HECTD4: variants seen among roughly 807,000 people sequenced by gnomAD.
HECTD4 encodes HECT domain E3 ubiquitin protein ligase 4.
A neutral mutation model predicts 471.5 loss-of-function variants in HECTD4; 114 were observed. That is an observed-to-expected ratio of 0.24 (90% CI 0.21 to 0.28). The LOEUF is 0.28. Ranked by LOEUF, HECTD4 falls within the 10% of genes least tolerant of loss-of-function variation. HECTD4 has a pLI of 1.00. For synonymous variants in HECTD4, 2,012 were observed against 2,256.0 expected, an observed-to-expected ratio of 0.89 and a Z score of 3.07; for missense variants, 3,866 against 5,651.5, an observed-to-expected ratio of 0.68 and a Z score of 10.13.
rs769550554 is a variant in HECTD4 at position 112,217,091 on chromosome 12, A to C, written c.7179T>G (p.Ala2393=). The part of the protein sequence containing the change: ...TSVTFLADPS[A]GGGLPRGTFI... ...AAGTGCCCCGGGGCAGGCCTCCCCC[A>C]GCGCTGGGGTCAGCCAGGAAGGTGA... The change falls in exon 46 of 76, where the codon GCT becomes GCG. Residue 2393 remains alanine (A), a synonymous_variant. Transcript: ENST00000682272. 6.3e-7 allele frequency: 1 copy of C among 1,588,832 alleles called. No homozygotes were observed. Among genetic ancestry groups the C allele is most frequent in the South Asian group, 1.1e-5 (1 of 87,190 alleles).
At chr12:112,229,957 A>G in intron 40 of HECTD4, 77 bp from the exon 41 acceptor site, 1 of 1,353,356 alleles carries the variant, frequency 7.4e-7, no homozygotes, top group Non-Finnish European at 1.0e-6. Context: ...AAGTGTCTAC[A>G]ACAGTGCCTG....
intron 20 of HECTD4, among the ~76,000 whole-genome samples, chr12:112,257,917 T>C (rs2034055473): frequency 6.6e-6 from 1 of 152,068 alleles, no homozygotes; most frequent in Admixed American, 6.5e-5. Context: ...CGGCAGGGTG[T>C]GGTGGCTCAC....
At chr12:112,283,955 C>CTTTTTTTTTT (rs746498265) in intron 7 of HECTD4, among the ~76,000 whole-genome samples, 7 of 135,552 alleles carry the variant, frequency 5.2e-5, no homozygotes, top group Admixed American at 7.4e-5. Flanking sequence ...CTTCTTTCTT[C>CTTTTTTTTTT]TTTTTTTTTT....
At chr12:112,269,623 T>C (rs554223923) in intron 13 of HECTD4, 81 bp downstream of exon 13, 6 of 1,465,442 alleles carry the variant, frequency 4.1e-6, no homozygotes, top group South Asian at 3.7e-5. Flanking sequence ...GCATTTATAC[T>C]ACCAGCTTTC....
intron 37 of HECTD4, 100 bp from the exon 38 acceptor site, chr12:112,233,185 A>C: frequency 1.4e-6 from 1 of 728,388 alleles, no homozygotes. Flanking sequence ...GCCCTATTAT[A>C]CACTAACATT....
intron 44 of HECTD4, among the ~76,000 whole-genome samples, chr12:112,224,476 C>T (rs2033178523): frequency 6.6e-6 from 1 of 152,024 alleles, no homozygotes; most frequent in Non-Finnish European, 1.5e-5. Flanking sequence ...CCGTGTTAGC[C>T]AGGATGGTCT....
intron 1 of HECTD4, among the ~76,000 whole-genome samples, chr12:112,340,716 T>A (rs560843299): frequency 1.3e-5 from 2 of 152,292 alleles, no homozygotes; most frequent in African/African-American, 4.8e-5. Flanking sequence ...CATATGACAT[T>A]AAGTACAACA....
intron 49 of HECTD4, among the ~76,000 whole-genome samples, chr12:112,211,046 T>G (rs926455511): frequency 6.6e-6 from 1 of 152,218 alleles, no homozygotes; most frequent in African/African-American, 2.4e-5. Flanking sequence ...CCTTATAGGT[T>G]ATTTTTTTAA....
At position 112,298,437 on chromosome 12, in the gene HECTD4, T is replaced by C. The variant is rs541978024; in HGVS notation, c.1335+7627A>G. ...GGAAATTAATCTACTTCATTCTAGG[T>C]AGATCTGCCTCGTACTTTTTTAATT... On this transcript the variant is annotated intron_variant, in intron 7 of 75. Coordinates refer to ENST00000682272, the MANE Select transcript of HECTD4 (RefSeq NM_001388303.1). Among the ~76,000 whole-genome samples, 3 of 152,108 alleles carry C rather than the reference T, an allele frequency of 2.0e-5. No homozygotes were observed. In the East Asian group the frequency reaches 5.8e-4, roughly 29 times the overall value.
intron 1 of HECTD4, among the ~76,000 whole-genome samples, chr12:112,341,491 G>C (rs1008792988): frequency 6.6e-6 from 1 of 152,100 alleles, no homozygotes; most frequent in Non-Finnish European, 1.5e-5. Flanking sequence ...CATAAGAAAG[G>C]TTACCTATTT....
chr12:112,165,040 G>C (rs1395553083), intron 72 of HECTD4, among the ~76,000 whole-genome samples: 2 of 144,520 alleles, frequency 1.4e-5, no homozygotes, highest in Non-Finnish European at 3.1e-5. Context: ...TCTGCCTCAG[G>C]CTCCCGAGTA....
chr12:112,315,741 C>T (rs1025245488), intron 2 of HECTD4, among the ~76,000 whole-genome samples: 4 of 151,930 alleles, frequency 2.6e-5, no homozygotes, highest in African/African-American at 9.7e-5. Context: ...TTAAAAGAGA[C>T]AGGGTCTGGC....
At chr12:112,280,656 A>ACC (rs1360306165) in intron 8 of HECTD4, among the ~76,000 whole-genome samples, 1 of 152,174 alleles carries the variant, frequency 6.6e-6, no homozygotes, top group Non-Finnish European at 1.5e-5. Context: ...TCCACTGGTA[A>ACC]GAAACCTAAA....
At position 112,172,681 on chromosome 12, in the gene HECTD4, G is replaced by C. The variant is rs779603369; in HGVS notation, c.11775C>G (p.Ala3925=). The C allele has an allele frequency of 1.2e-6, 2 of 1,613,920 alleles. No homozygotes were observed. Among genetic ancestry groups the C allele is most frequent in the Non-Finnish European group, 1.7e-6 (2 of 1,179,858 alleles). The change falls in exon 67 of 76, where the codon GCC becomes GCG. Residue 3925 remains alanine, a synonymous_variant. Transcript: ENST00000682272. ...CCCAGGGCCACATACTCAGGAGACA[G>C]GCCACTCTGGGGTCAGCAGCATCCG... ...DPADAADPRV[A]CLLNVPIESL... is the part of the protein sequence containing the mutation.
chr12:112,372,253 C>T lies in HECTD4; in HGVS notation c.177+9699G>A, dbSNP rs2036692009. The stretch of plus-strand genomic sequence containing the variant: ...TCAGCCTCCCAAGTAGCCAACCACG[C>T]CCCGCTAATTTTTTTTATTTTTTTA... On this transcript the variant is annotated intron_variant, in intron 1 of 75. Coordinates refer to ENST00000682272, the MANE Select transcript of HECTD4 (RefSeq NM_001388303.1). 2.0e-5 allele frequency among the ~76,000 whole-genome samples: 3 copies of T among 151,486 alleles called. No individual in the cohort carries two copies. In the South Asian group the frequency reaches 6.3e-4, roughly 32 times the overall value.
intron 18 of HECTD4, among the ~76,000 whole-genome samples, chr12:112,260,606 T>C (rs1250707701): frequency 2.0e-5 from 3 of 151,672 alleles, no homozygotes; most frequent in Middle Eastern, 3.4e-3. Context: ...AGACAGAGTC[T>C]CGCTCTGTCA....
At chr12:112,180,353 G>C (rs906199604) in intron 62 of HECTD4, among the ~76,000 whole-genome samples, 2 of 152,184 alleles carry the variant, frequency 1.3e-5, no homozygotes, top group African/African-American at 4.8e-5. Context: ...TTCAAGACCA[G>C]CCTGGGCAAT....
chr12:112,308,651 G>T, intron 6 of HECTD4, 102 bp downstream of exon 6: 1 of 1,106,224 alleles, frequency 9.0e-7, no homozygotes, highest in Non-Finnish European at 1.2e-6. Flanking sequence ...GCCACTCTGG[G>T]AGGAAAATAT....
rs2031949498 is a variant in HECTD4 at position 112,188,171 on chromosome 12, C to T, written c.9472+2615G>A. On this transcript the variant is annotated intron_variant, in intron 60 of 75. Coordinates refer to ENST00000682272, the MANE Select transcript of HECTD4 (RefSeq NM_001388303.1). The surrounding 1 kb of genome is among the most constrained non-coding windows in gnomAD (Gnocchi z 4.2). The stretch of plus-strand genomic sequence containing the variant: ...GGGCATGGTAGCGGGCGCCTGTATT[C>T]CCAACTACTCAGGAGGCTGGGGCAG... Among the ~76,000 whole-genome samples, 1 of 152,062 alleles carries T rather than the reference C, an allele frequency of 6.6e-6. No homozygotes were observed. Among genetic ancestry groups the T allele is most frequent in the Non-Finnish European group, 1.5e-5 (1 of 68,010 alleles).
Sources: gnomAD v4.1 joint callset for allele counts (sites outside exome capture counted in the v4.1 genomes callset) on GRCh38, gnomAD v4.1.1 for gene constraint, Gnocchi (gnomAD v3.1) non-coding constraint, MANE v1.5 for transcripts, NCBI Gene and HGNC (gene_info 2026-07-23, HGNC 2026-07-21) for gene names.